Variants in VPS13B observed in about 807,000 individuals in gnomAD.
VPS13B encodes the protein intermembrane lipid transfer protein VPS13B.
A neutral mutation model predicts 426.4 loss-of-function variants in VPS13B; 285 were observed. The observed-to-expected ratio is 0.67, with a 90% CI of 0.61 to 0.74. The LOEUF is 0.74. VPS13B is among the 30% of genes least tolerant of loss of function. VPS13B has a pLI of 0.00. For synonymous variants in VPS13B, 1,676 were observed against 1,676.4 expected (o/e 1.00, Z 0.01); for missense variants, 4,537 against 4,782.6 (o/e 0.95, Z 1.51).
intron 24 of VPS13B, among the ~76,000 whole-genome samples, chr8:99,469,707 T>C (rs979286115): frequency 2.0e-5 from 3 of 152,180 alleles, no homozygotes; most frequent in African/African-American, 7.2e-5. Flanking sequence ...AAAATATATG[T>C]TGAAGTTCTA....
rs150543151 is a variant in VPS13B, at chr8:99,746,423, G to A, written c.7051-20351G>A. ...CATTGATGTGTACTATGGTTTGTCA[G>A]CAATTTCCCCAACTCACAGGATTTA... On this transcript the variant is annotated intron_variant, in intron 39 of 61. Coordinates refer to ENST00000357162, the MANE Select transcript of VPS13B (RefSeq NM_152564.5). Among the ~76,000 whole-genome samples, 280 of 152,168 alleles carry A rather than the reference G, an allele frequency of 1.8e-3. 2 individuals carry two copies. Among genetic ancestry groups the A allele is most frequent in the African/African-American group, 5.8e-3 (239 of 41,532 alleles).
chr8:99,355,380 C>A (rs547324499), intron 19 of VPS13B, among the ~76,000 whole-genome samples: 1 of 152,228 alleles, frequency 6.6e-6, no homozygotes, highest in South Asian at 2.1e-4. Context: ...ATCATGAGGT[C>A]AAGAGATCGA....
intron 31 of VPS13B, among the ~76,000 whole-genome samples, chr8:99,565,074 A>G (rs1825118797): frequency 6.6e-6 from 1 of 152,176 alleles, no homozygotes; most frequent in Admixed American, 6.5e-5. Flanking sequence ...TGGAAAGTTT[A>G]TCTTATGATT....
Position 99,172,828 on chromosome 8 carries a change from C to T in VPS13B, c.2333+2665C>T, listed in dbSNP as rs562391437. 1.4e-4 allele frequency among the ~76,000 whole-genome samples: 21 copies of T among 152,162 alleles called. No homozygotes were observed. The East Asian group carries it at 1.5e-3, about 11-fold the overall frequency. On this transcript the variant is annotated intron_variant, in intron 16 of 61. Transcript: ENST00000357162. ...TATCCCAGTTACTGAGTCTTTATGA[C>T]GTACTTTTGGTTTATAGCCATCTGT...
At chr8:99,324,269 G>A (rs759140215) in intron 19 of VPS13B, among the ~76,000 whole-genome samples, 5 of 152,120 alleles carry the variant, frequency 3.3e-5, no homozygotes, top group African/African-American at 4.8e-5. Flanking sequence ...GTAAATAATT[G>A]TTGGGTACCT....
At chr8:99,094,925 C>T (rs1846343079) in intron 3 of VPS13B, among the ~76,000 whole-genome samples, 1 of 152,134 alleles carries the variant, frequency 6.6e-6, no homozygotes, top group Admixed American at 6.6e-5. Flanking sequence ...TCTCTCACTC[C>T]ACATGTGCAT....
At chr8:99,758,905 G>A (rs1281644453) in intron 39 of VPS13B, among the ~76,000 whole-genome samples, 4 of 152,212 alleles carry the variant, frequency 2.6e-5, no homozygotes, top group Non-Finnish European at 5.9e-5. Flanking sequence ...ACCCTCTGAT[G>A]TGGAGGCTCT....
rs551141840 is a variant in VPS13B at position 99,748,674 on chromosome 8, G to A, written c.7051-18100G>A. 3.9e-5 allele frequency among the ~76,000 whole-genome samples: 6 copies of A among 152,112 alleles called. 1 individual carries two copies. The South Asian group carries it at 1.2e-3, about 32-fold the overall frequency. On this transcript the variant is annotated intron_variant, in intron 39 of 61. Coordinates refer to ENST00000357162, the MANE Select transcript of VPS13B (RefSeq NM_152564.5). The stretch of plus-strand genomic sequence containing the variant: ...TTGTAATGGTATATGTCACATATGT[G>A]CTTGACTCCTTTTTTTTGCATTCTA...
At chr8:99,667,896 A>G (rs550078381) in intron 35 of VPS13B, among the ~76,000 whole-genome samples, 1 of 152,298 alleles carries the variant, frequency 6.6e-6, no homozygotes, top group East Asian at 1.9e-4. Flanking sequence ...GGATACTAAG[A>G]GGAATGTCAT....
chr8:99,703,430 A>G (rs1029703052), intron 36 of VPS13B, among the ~76,000 whole-genome samples: 19 of 152,312 alleles, frequency 1.2e-4, no homozygotes, highest in Admixed American at 3.3e-4. Context: ...AAAATGACCC[A>G]AAACTTCTGA....
chr8:99,697,723 G>A, intron 35 of VPS13B: 1 of 630,758 alleles, frequency 1.6e-6, no homozygotes, highest in Non-Finnish European at 3.0e-6. Context: ...CCTGCAAGCT[G>A]GGCCTGGCCT....
intron 55 of VPS13B, among the ~76,000 whole-genome samples, chr8:99,851,847 T>C (rs1816310312): frequency 1.3e-5 from 2 of 152,004 alleles, no homozygotes; most frequent in Admixed American, 1.3e-4. Flanking sequence ...TTTTTGAACA[T>C]AGAAGTGACA....
Position 99,252,813 on chromosome 8 carries a change from T to A in VPS13B, c.2516-21385T>A, listed in dbSNP as rs192835179. Among the ~76,000 whole-genome samples, 1,022 of 151,704 alleles carry A rather than the reference T, an allele frequency of 6.7e-3. 10 individuals carry two copies. Among genetic ancestry groups the A allele is most frequent in the South Asian group, 0.015 (73 of 4,798 alleles). ...TTGACATTAAAATAACCAGTTTTTT[T>A]AAAAAAAAATTGAGATAAAATTCAC... On this transcript the variant is annotated intron_variant, in intron 17 of 61. Transcript: ENST00000357162.
At chr8:99,247,238 T>C (rs904517124) in intron 17 of VPS13B, among the ~76,000 whole-genome samples, 1 of 152,238 alleles carries the variant, frequency 6.6e-6, no homozygotes, top group African/African-American at 2.4e-5. Context: ...TATTACCAAG[T>C]CATCATTTTA....
intron 12 of VPS13B, among the ~76,000 whole-genome samples, chr8:99,139,908 G>A (rs182905334): frequency 6.9e-6 from 1 of 145,144 alleles, no homozygotes; most frequent in African/African-American, 2.5e-5. Context: ...CTTTTTTTTT[G>A]TTTCTATAGT....
At chr8:99,580,215 A>T (rs1047098484) in intron 33 of VPS13B, among the ~76,000 whole-genome samples, 1 of 151,360 alleles carries the variant, frequency 6.6e-6, no homozygotes, top group Non-Finnish European at 1.5e-5. Context: ...TAGACCAGTA[A>T]ATGTCAAATC....
intron 19 of VPS13B, among the ~76,000 whole-genome samples, chr8:99,318,816 C>T (rs934125989): frequency 3.9e-5 from 6 of 152,100 alleles, no homozygotes; most frequent in African/African-American, 1.2e-4. Context: ...CCACCACACC[C>T]GCCCTACATG....
chr8:99,618,134 G>T (rs950249332), intron 33 of VPS13B, among the ~76,000 whole-genome samples: 12 of 152,114 alleles, frequency 7.9e-5, no homozygotes, highest in African/African-American at 2.9e-4. Flanking sequence ...AAGGGCAAAT[G>T]ATGTACTTTT....
chr8:99,028,403 A>T (rs1227438040), intron 2 of VPS13B, among the ~76,000 whole-genome samples: 1 of 91,324 alleles, frequency 1.1e-5, no homozygotes, highest in African/African-American at 4.8e-5. Context: ...GACCCCCCCC[A>T]CCTCCCTCCC....
Sources: gnomAD v4.1 joint callset for allele counts (sites outside exome capture counted in the v4.1 genomes callset) on GRCh38, gnomAD v4.1.1 for gene constraint, MANE v1.5 for transcripts, NCBI Gene and HGNC (gene_info 2026-07-23, HGNC 2026-07-21) for gene names.